Variants in PHF3 observed in about 807,000 individuals in gnomAD.
PHF3 encodes the protein PHD finger protein 3.
In PHF3, 41 loss-of-function variants were observed where a neutral mutation model predicts 178.4. The ratio of observed to expected loss-of-function variants is 0.23; its 90% CI spans 0.18 to 0.30. PHF3 has a LOEUF of 0.30. Among genes scored for constraint, PHF3 ranks in the 10% least tolerant of loss-of-function variants. The pLI is 1.00. For missense variants in PHF3, 2,346 were observed against 2,398.1 expected (o/e 0.98, Z 0.45); for synonymous variants, 842 against 800.5 (o/e 1.05, Z -0.88).
At chr6:63,648,731 A>G (rs1357846116) in intron 2 of PHF3, among the ~76,000 whole-genome samples, 2 of 152,146 alleles carry the variant, frequency 1.3e-5, no homozygotes, top group Non-Finnish European at 2.9e-5. Flanking sequence ...AAATTTAGGA[A>G]CTTAAATTAC....
intron 2 of PHF3, among the ~76,000 whole-genome samples, chr6:63,650,928 T>TG (rs1169375880): frequency 6.6e-6 from 1 of 152,146 alleles, no homozygotes; most frequent in Admixed American, 6.5e-5. Context: ...TGGGGGTTGG[T>TG]GGGGCTATTT....
intron 14 of PHF3, among the ~76,000 whole-genome samples, chr6:63,709,668 A>G (rs989754709): frequency 6.6e-6 from 1 of 152,224 alleles, no homozygotes; most frequent in Admixed American, 6.5e-5. Context: ...ATAGGAGTAA[A>G]TGAGGAATAC....
At chr6:63,674,791 G>A (rs765517657) in intron 2 of PHF3, among the ~76,000 whole-genome samples, 20 of 152,244 alleles carry the variant, frequency 1.3e-4, no homozygotes, top group Non-Finnish European at 2.5e-4. Flanking sequence ...CTTTGTAATA[G>A]AGGAAATAAC....
At chr6:63,700,319 C>T in intron 8 of PHF3, 31 bp from the exon 9 acceptor site, 2 of 1,035,202 alleles carry the variant, frequency 1.9e-6, no homozygotes, top group Admixed American at 2.1e-5. Flanking sequence ...TGTTTGTCTC[C>T]CCTTCTATTC....
chr6:63,678,220 C>CAA (rs201977192), intron 2 of PHF3, among the ~76,000 whole-genome samples: 14 of 117,172 alleles, frequency 1.2e-4, no homozygotes, highest in African/African-American at 3.3e-4. Context: ...GACTCCGTCT[C>CAA]AAAAAAAAAA....
In PHF3 at chr6:63,687,191, C is replaced by T. The variant is rs191153051; in HGVS notation, c.2189+1280C>T. Among the ~76,000 whole-genome samples, 638 of 152,128 alleles carry T rather than the reference C, an allele frequency of 4.2e-3. 3 individuals are homozygous for T. The highest frequency in any genetic ancestry group is 7.0e-3 in the Non-Finnish European group (478 of 67,986). ...CAGCACTTTGGGAGGCTGAGGTGGG[C>T]GGTAGGCAGATCACTTGAGGTCAGG... On this transcript the variant is annotated intron_variant, in intron 4 of 15. Transcript: ENST00000262043.
At position 63,691,726 on chromosome 6, in the gene PHF3, C is replaced by T. The variant is rs1168800349; in HGVS notation, c.2190-11C>T. 4 of 1,541,202 alleles carry T rather than the reference C, an allele frequency of 2.6e-6. No homozygotes were observed. The highest frequency in any genetic ancestry group is 2.1e-5 in the Admixed American group (1 of 48,534). ...AAAGGGATAAAAGTTTTTTGGTGTT[C>T]TGTTTTCCAGGTTTATGGTTGGCTG... On this transcript the variant is annotated splice_polypyrimidine_tract_variant and intron_variant, in intron 4 of 15. Coordinates refer to ENST00000262043, the MANE Select transcript of PHF3 (RefSeq NM_001370348.2).
intron 2 of PHF3, among the ~76,000 whole-genome samples, chr6:63,667,097 G>A (rs138356855): frequency 3.3e-5 from 5 of 152,080 alleles, no homozygotes; most frequent in East Asian, 1.9e-4. Flanking sequence ...CTCCTACCTT[G>A]GCCTTCGAAA....
intron 1 of PHF3, 102 bp from the exon 2 acceptor site, chr6:63,646,425 T>C: frequency 1.4e-6 from 1 of 728,434 alleles, no homozygotes; most frequent in South Asian, 2.3e-5. Flanking sequence ...CAGAAATACC[T>C]TAAGTGTGTT....
Position 63,712,649 on chromosome 6 carries a change from C to A in PHF3, c.5061C>A (p.Asn1687Lys), listed in dbSNP as rs779395056. 27 of 1,613,762 alleles carry A rather than the reference C, an allele frequency of 1.7e-5. No individual in the cohort carries two copies. The highest frequency in any genetic ancestry group is 2.3e-5 in the Non-Finnish European group (27 of 1,179,946). The change falls in exon 16 of 16, where the codon AAC becomes AAA. Residue 1687 changes from asparagine to lysine, a missense_variant. Asn to Lys is a moderately conservative substitution (Grantham distance 94). Around this residue, in one of 8 missense-constraint regions of PHF3, gnomAD observed 839 missense variants for 806.9 expected, o/e 1.04. Coordinates refer to ENST00000262043, the MANE Select transcript of PHF3 (RefSeq NM_001370348.2). ...ACATGCTGCCTGGCCTGTCACACAACAAGGAGCACTTAACAGAACAAATCA... is the reference window on the plus strand; with the variant it reads ...ACATGCTGCCTGGCCTGTCACACAAAAAGGAGCACTTAACAGAACAAATCA... ...EKHMLPGLSH[N>K]KEHLTEQINV...
Position 63,646,507 on chromosome 6 carries a change from T to C in PHF3, c.-25-20T>C, listed in dbSNP as rs758586281. The C allele has an allele frequency of 1.4e-6, 2 of 1,428,954 alleles. No homozygotes were observed. 88.5% of individuals were successfully genotyped at this position (1,428,954 alleles called of 1,614,324 possible). On this transcript the variant is annotated intron_variant, in intron 1 of 15. Transcript: ENST00000262043. ...ATTGATAGCTTTATTTCTTATGGTA[T>C]TTTTTTTGTCTTTCTATAGGGCTGA...
In PHF3 at chr6:63,681,978, A is replaced by C. The variant is rs2149579917; in HGVS notation, c.406+1817A>C. Among the ~76,000 whole-genome samples the C allele has an allele frequency of 2.0e-5, 3 of 152,210 alleles. No homozygotes were observed. The Middle Eastern group carries it at 0.01, about 518-fold the overall frequency. Reference sequence around the variant, plus strand: ...TAGGTTATTTTCCATAACTTATTAGATTGCTAGCATATTATGGAAGCCTGT... The same window carrying C: ...TAGGTTATTTTCCATAACTTATTAGCTTGCTAGCATATTATGGAAGCCTGT... On this transcript the variant is annotated intron_variant, in intron 3 of 15. Coordinates refer to ENST00000262043, the MANE Select transcript of PHF3 (RefSeq NM_001370348.2).
Position 63,713,074 on chromosome 6 carries a change from T to C in PHF3, c.5486T>C (p.Phe1829Ser). 6.2e-7 allele frequency: 1 copy of C among 1,614,022 alleles called. No homozygotes were observed. The change falls in exon 16 of 16, where the codon TTT becomes TCT. Residue 1829 changes from phenylalanine (F) to serine (S), a missense_variant. Phe to Ser is a radical substitution (Grantham distance 155, BLOSUM62 -2). Around this residue, in one of 8 missense-constraint regions of PHF3, gnomAD observed 839 missense variants for 806.9 expected, o/e 1.04. Coordinates refer to ENST00000262043, the MANE Select transcript of PHF3 (RefSeq NM_001370348.2). ...CCTAATTTTCCCCCACAAAGCATGT[T>C]TGGATTTCCACCACATTTGCCACCT... ...GPPNFPPQSMFGFPPHLPPPL... is the reference protein window; with the variant it reads ...GPPNFPPQSMSGFPPHLPPPL...
In PHF3 at chr6:63,680,014, G is replaced by C; in HGVS notation, c.259G>C (p.Asp87His). ...TTTTTTTCTAGTTGTTGGTCTTGAC[G>C]ATATTATGGATGAAGGAGTTGTTAA... is the stretch of plus-strand genomic sequence containing the variant. ...MPCSTVVGLDDIMDEGVVKES... is the reference protein window; with the variant it reads ...MPCSTVVGLDHIMDEGVVKES... The change falls in exon 3 of 16, where the codon GAT becomes CAT. Residue 87 changes from aspartate (D) to histidine (H), a missense_variant. Physicochemically the swap from Asp to His is moderately conservative, Grantham distance 81. This residue lies in a region of PHF3 where 843 missense variants were observed against 795.2 expected (regional missense o/e 1.06). Transcript: ENST00000262043. The C allele has an allele frequency of 1.9e-6, 3 of 1,609,920 alleles. No homozygotes were observed. Among genetic ancestry groups the C allele is most frequent in the Non-Finnish European group, 2.5e-6 (3 of 1,178,296 alleles).
chr6:63,683,740 T>A (rs571271153), intron 3 of PHF3, among the ~76,000 whole-genome samples: 3 of 152,264 alleles, frequency 2.0e-5, no homozygotes, highest in Non-Finnish European at 4.4e-5. Context: ...AAATATTTAA[T>A]GTTTAAAAAT....
In PHF3 at chr6:63,722,521, G is replaced by A. The variant is rs890996499; in HGVS notation, c.*8813G>A. On this transcript the variant is annotated 3_prime_UTR_variant, in exon 16 of 16. Transcript: ENST00000262043. ...ACCATCCAGCATCTGAAGTTGCAATGAGGCATTCAGAAGAAAAGTAAAGGC... is the reference window on the plus strand; with the variant it reads ...ACCATCCAGCATCTGAAGTTGCAATAAGGCATTCAGAAGAAAAGTAAAGGC... 6.6e-6 allele frequency among the ~76,000 whole-genome samples: 1 copy of A among 152,174 alleles called. No individual in the cohort carries two copies. The highest frequency in any genetic ancestry group is 1.5e-5 in the Non-Finnish European group (1 of 68,022).
intron 2 of PHF3, among the ~76,000 whole-genome samples, chr6:63,666,681 G>A (rs1765695136): frequency 6.6e-6 from 1 of 151,254 alleles, no homozygotes; most frequent in Admixed American, 6.6e-5. Flanking sequence ...TAGTTGTGGT[G>A]AAGTATTCTT....
Position 63,646,808 on chromosome 6 carries a change from T to A in PHF3, c.244+13T>A. On this transcript the variant is annotated intron_variant, in intron 2 of 15. Transcript: ENST00000262043. Reference sequence around the variant, plus strand: ...CCTTGTTCAACAGGTAATTCTTACTTTTTTTTTTTTTTTTTTTTTTAGTCT... The same window carrying A: ...CCTTGTTCAACAGGTAATTCTTACTATTTTTTTTTTTTTTTTTTTTAGTCT... 1.1e-4 allele frequency: 23 copies of A among 209,610 alleles called. No individual in the cohort carries two copies. The highest frequency in any genetic ancestry group is 4.7e-4 in the East Asian group (2 of 4,272). The allele number at this position is 209,610 out of a possible 1,614,324, so 13.0% of individuals were successfully genotyped here. A position where few individuals can be genotyped will look rare whatever the true frequency, so the allele number is the denominator to read the frequency against.
rs1768287095 is a variant in PHF3, at chr6:63,719,370, T to C, written c.*5662T>C. Among the ~76,000 whole-genome samples, 2 of 152,110 alleles carry C rather than the reference T, an allele frequency of 1.3e-5. No individual in the cohort carries two copies. Among genetic ancestry groups the C allele is most frequent in the Non-Finnish European group, 2.9e-5 (2 of 67,964 alleles). On this transcript the variant is annotated 3_prime_UTR_variant, in exon 16 of 16. Transcript: ENST00000262043. ...TAATTACTTGATGATTAATTTCATA[T>C]TTTTCCTTTTGAACATTACATGCTG...
Sources: allele counts gnomAD v4.1 joint callset (sites outside exome capture counted in the v4.1 genomes callset), GRCh38; gene constraint gnomAD v4.1.1; regional missense constraint gnomAD v4.1.1; transcripts MANE v1.5; gene names NCBI Gene and HGNC (gene_info 2026-07-23, HGNC 2026-07-21).